TAF3: variants seen among roughly 807,000 people sequenced by gnomAD.
TAF3 encodes TATA-box binding protein associated factor 3, also known as transcription initiation factor TFIID subunit 3.
A neutral mutation model predicts 80.6 loss-of-function variants in TAF3; 7 were observed. The ratio of observed to expected loss-of-function variants is 0.09; its 90% CI spans 0.05 to 0.16. TAF3 has a LOEUF of 0.16. Ranked by LOEUF, TAF3 falls within the 10% of genes least tolerant of loss-of-function variation. The pLI, the probability that TAF3 is intolerant of heterozygous loss-of-function variation, is 1.00. For synonymous variants in TAF3, 444 were observed against 446.1 expected (o/e 1.00, Z 0.06); for missense variants, 921 against 1,140.2 (o/e 0.81, Z 2.77).
At chr10:7,954,314 C>T (rs1838113547) in intron 2 of TAF3, among the ~76,000 whole-genome samples, 1 of 138,230 alleles carries the variant, frequency 7.2e-6, no homozygotes, top group Admixed American at 7.4e-5. Context: ...TCAGAGTGCA[C>T]TCCATAGGCG....
chr10:7,994,809 C>CAAAAAAAAAAAAAAA (rs34669002), intron 4 of TAF3, among the ~76,000 whole-genome samples: 1 of 124,358 alleles, frequency 8.0e-6, no homozygotes, highest in Non-Finnish European at 1.7e-5. Flanking sequence ...CTAAAAATAC[C>CAAAAAAAAAAAAAAA]AAAAAAAAAA....
rs147116708 is a variant in TAF3, at chr10:7,975,003, G to A, written c.2233-2238G>A. On this transcript the variant is annotated intron_variant, in intron 3 of 6. Coordinates refer to ENST00000344293, the MANE Select transcript of TAF3 (RefSeq NM_031923.4). ...GCAGGAGAATCTCTTGAACCTGGGA[G>A]TTGGAGGTTGCAGTGAGCCAAGATT... 6.7e-3 allele frequency: 1,327 copies of A among 197,388 alleles called. 22 individuals carry two copies. The highest frequency in any genetic ancestry group is 0.03 in the African/African-American group (1,209 of 40,524). The allele number at this position is 197,388 out of a possible 1,614,324, so 12.2% of individuals were successfully genotyped here. A position where few individuals can be genotyped will look rare whatever the true frequency, so the allele number is the denominator to read the frequency against.
intron 2 of TAF3, among the ~76,000 whole-genome samples, chr10:7,927,941 C>A (rs1192075368): frequency 6.7e-6 from 1 of 148,734 alleles, no homozygotes; most frequent in Non-Finnish European, 1.5e-5. Flanking sequence ...ATTTTCTTCT[C>A]AAAATCTGGA....
Position 7,920,552 on chromosome 10 carries a change from T to C in TAF3, c.410-43368T>C, listed in dbSNP as rs1233719939. On this transcript the variant is annotated intron_variant, in intron 2 of 6. Transcript: ENST00000344293. The stretch of plus-strand genomic sequence containing the variant: ...GTGTAGCCTATAATGAAATAGAAAA[T>C]AATCTTCTGGTATCTATTCTGTATT... Among the ~76,000 whole-genome samples, 3 of 152,090 alleles carry C rather than the reference T, an allele frequency of 2.0e-5. No homozygotes were observed. The East Asian group carries it at 5.8e-4, about 29-fold the overall frequency.
At chr10:7,965,871 A>G in intron 3 of TAF3, 129 bp downstream of exon 3, 1 of 1,335,428 alleles carries the variant, frequency 7.5e-7, no homozygotes. Context: ...ATATGTTTAT[A>G]ATGAGGTTAC....
intron 4 of TAF3, among the ~76,000 whole-genome samples, chr10:7,983,192 C>T (rs1588576154): frequency 6.6e-6 from 1 of 152,182 alleles, no homozygotes; most frequent in South Asian, 2.1e-4. Context: ...TGGCGAAGCC[C>T]CGCTTCCCGG....
At chr10:8,008,953 TG>T in intron 4 of TAF3, 124 bp from the exon 5 acceptor site, 3 of 1,345,976 alleles carry the variant, frequency 2.2e-6, no homozygotes, top group Non-Finnish European at 3.0e-6. Flanking sequence ...GTTCTTGAGC[TG>T]CCTCTAGACG....
chr10:8,000,763 A>ACCCT (rs1831936344), intron 4 of TAF3, among the ~76,000 whole-genome samples: 1 of 152,232 alleles, frequency 6.6e-6, no homozygotes, highest in Non-Finnish European at 1.5e-5. Context: ...TGGGCAGCAG[A>ACCCT]GTGAGACCCT....
intron 2 of TAF3, among the ~76,000 whole-genome samples, chr10:7,841,094 G>A (rs546829806): frequency 2.6e-5 from 4 of 152,178 alleles, no homozygotes; most frequent in Admixed American, 6.5e-5. Flanking sequence ...CAGGTGATCC[G>A]CCCACCTCGG....
chr10:8,012,508 T>C (rs370201694), intron 5 of TAF3, among the ~76,000 whole-genome samples: 1 of 152,248 alleles, frequency 6.6e-6, no homozygotes, highest in African/African-American at 2.4e-5. Context: ...CACGGCCTTC[T>C]GACTTCAAGC....
intron 2 of TAF3, among the ~76,000 whole-genome samples, chr10:7,839,670 A>G (rs2131113338): frequency 6.6e-6 from 1 of 152,150 alleles, no homozygotes; most frequent in African/African-American, 2.4e-5. Context: ...TTTCCTTTCA[A>G]ATTGGTTTCT....
At chr10:7,932,669 ATTTTTT>A (rs34907761) in intron 2 of TAF3, among the ~76,000 whole-genome samples, 9 of 78,822 alleles carry the variant, frequency 1.1e-4, no homozygotes, top group Admixed American at 4.7e-4. Flanking sequence ...GTTCCACTTA[ATTTTTT>A]TTTTTTTTTT....
intron 2 of TAF3, among the ~76,000 whole-genome samples, chr10:7,911,621 G>A (rs984601785): frequency 6.6e-6 from 1 of 152,228 alleles, no homozygotes; most frequent in Non-Finnish European, 1.5e-5. Context: ...AGGTTGCAAA[G>A]GAGGTGGGTT....
At chr10:7,838,990 G>A (rs1836883031) in intron 2 of TAF3, among the ~76,000 whole-genome samples, 2 of 146,224 alleles carry the variant, frequency 1.4e-5, no homozygotes, top group African/African-American at 5.1e-5. Context: ...AGCTGAAATC[G>A]TACCAAGGGC....
intron 2 of TAF3, among the ~76,000 whole-genome samples, chr10:7,910,315 C>T (rs1169038258): frequency 6.6e-6 from 1 of 152,066 alleles, no homozygotes; most frequent in Non-Finnish European, 1.5e-5. Flanking sequence ...GAAAATACTG[C>T]TACAACATAC....
In TAF3 at chr10:8,009,616, C is replaced by CTT. The variant is rs1252235417; in HGVS notation, c.2568+294_2568+295dup. On this transcript the variant is annotated intron_variant, in intron 5 of 6. Transcript: ENST00000344293. This position sits in a 1 kb window ranked among gnomAD's most constrained non-coding sequence, Gnocchi z 4.1. ...CCACTGCCCCTGGCCAGACACGTTT[C>CTT]TTTTTTTTTCTTTTTTTTTTTTGAG... is the stretch of plus-strand genomic sequence containing the variant. 6.7e-6 allele frequency among the ~76,000 whole-genome samples: 1 copy of CTT among 149,016 alleles called. No individual in the cohort carries two copies. The highest frequency in any genetic ancestry group is 1.5e-5 in the Non-Finnish European group (1 of 67,274).
chr10:7,949,058 A>G (rs1223393705), intron 2 of TAF3, among the ~76,000 whole-genome samples: 1 of 152,192 alleles, frequency 6.6e-6, no homozygotes, highest in East Asian at 1.9e-4. Flanking sequence ...TCGGGTCAAC[A>G]GTGTCAGGAT....
At chr10:7,854,003 T>C (rs1263878925) in intron 2 of TAF3, among the ~76,000 whole-genome samples, 1 of 152,250 alleles carries the variant, frequency 6.6e-6, no homozygotes, top group Non-Finnish European at 1.5e-5. Context: ...GTGCCTCCTT[T>C]ATATCAACAA....
chr10:7,984,124 G>T (rs1831754621), intron 4 of TAF3, among the ~76,000 whole-genome samples: 1 of 151,988 alleles, frequency 6.6e-6, no homozygotes, highest in Non-Finnish European at 1.5e-5. Flanking sequence ...CAAACCCATA[G>T]ATCTTCATCC....
Sources: allele counts gnomAD v4.1 joint callset (sites outside exome capture counted in the v4.1 genomes callset), GRCh38; gene constraint gnomAD v4.1.1; non-coding constraint Gnocchi (gnomAD v3.1); transcripts MANE v1.5; gene names NCBI Gene and HGNC (gene_info 2026-07-23, HGNC 2026-07-21).